AP3B1: variants seen among roughly 807,000 people sequenced by gnomAD.
AP3B1 encodes the protein adaptor related protein complex 3 subunit beta 1, also known as AP-3 complex subunit beta-1.
A neutral mutation model predicts 132.5 loss-of-function variants in AP3B1; 61 were observed. That is an observed-to-expected ratio of 0.46 (90% CI 0.37 to 0.57). The LOEUF (loss-of-function observed/expected upper bound fraction) is 0.57. Among genes scored for constraint, AP3B1 ranks in the 20% least tolerant of loss-of-function variants. The pLI, the probability that AP3B1 is intolerant of heterozygous loss-of-function variation, is 0.00. For synonymous variants in AP3B1, 388 were observed against 438.3 expected, an observed-to-expected ratio of 0.89 and a Z score of 1.43; for missense variants, 1,120 against 1,289.4, an observed-to-expected ratio of 0.87 and a Z score of 2.01.
chr5:78,286,389 T>C (rs56156114), intron 1 of AP3B1, among the ~76,000 whole-genome samples: 32,813 of 152,096 alleles, frequency 0.22, 3,724 homozygotes, highest in Admixed American at 0.28. Flanking sequence ...TGAATGAGAT[T>C]AAGGCCCTTG....
chr5:78,166,561 G>GA (rs1005340150), intron 11 of AP3B1, among the ~76,000 whole-genome samples: 1 of 151,478 alleles, frequency 6.6e-6, no homozygotes, highest in African/African-American at 2.4e-5. Flanking sequence ...ATGGGCTTGT[G>GA]AAAAAAAATT....
intron 3 of AP3B1, among the ~76,000 whole-genome samples, chr5:78,235,547 T>C (rs1238791081): frequency 6.6e-6 from 1 of 152,212 alleles, no homozygotes; most frequent in Admixed American, 6.5e-5. Flanking sequence ...TCAATCAATA[T>C]TGACCACAAG....
At position 78,291,420 on chromosome 5, in the gene AP3B1, GAAA is replaced by G. The variant is rs5868911; in HGVS notation, c.128+3029_128+3031del. 3.5e-3 allele frequency among the ~76,000 whole-genome samples: 304 copies of G among 85,706 alleles called. 4 individuals carry two copies. The highest frequency in any genetic ancestry group is 0.01 in the African/African-American group (229 of 21,978). The allele number at this position is 85,706 out of a possible 152,430, so 56.2% of individuals were successfully genotyped here. ...CTCAGTGTCTCCCCACAGATAATTT[GAAA>G]AAAAAAAAAAAAAAAACAGAAATGA... On this transcript the variant is annotated intron_variant, in intron 1 of 26. Coordinates refer to ENST00000255194, the MANE Select transcript of AP3B1 (RefSeq NM_003664.5).
intron 3 of AP3B1, among the ~76,000 whole-genome samples, chr5:78,239,348 G>A (rs1747014964): frequency 1.3e-5 from 2 of 151,454 alleles, no homozygotes; most frequent in South Asian, 4.2e-4. Flanking sequence ...GCATGCACCT[G>A]TAGTCCCAGC....
At chr5:78,190,215 T>G (rs955657857) in intron 7 of AP3B1, among the ~76,000 whole-genome samples, 1 of 152,172 alleles carries the variant, frequency 6.6e-6, no homozygotes, top group Non-Finnish European at 1.5e-5. Context: ...TTTAAAAACA[T>G]TCCCCTCAGA....
intron 25 of AP3B1, among the ~76,000 whole-genome samples, chr5:78,019,743 T>TAG (rs1183104146): frequency 6.6e-6 from 1 of 152,072 alleles, no homozygotes; most frequent in Non-Finnish European, 1.5e-5. Context: ...TGCAAAGGCT[T>TAG]AGAGTAAAAA....
intron 17 of AP3B1, among the ~76,000 whole-genome samples, chr5:78,123,429 A>C (rs1479870058): frequency 6.6e-6 from 1 of 152,160 alleles, no homozygotes; most frequent in African/African-American, 2.4e-5. Context: ...AATGGGAGAA[A>C]ATTTTTGCAA....
intron 22 of AP3B1, chr5:78,041,938 T>C: frequency 4.9e-6 from 1 of 202,660 alleles, no homozygotes; most frequent in Non-Finnish European, 1.0e-5. Flanking sequence ...GCTTTTCCCA[T>C]CAAACTCCTT....
chr5:78,221,886 T>C (rs1480900033), intron 6 of AP3B1, among the ~76,000 whole-genome samples: 1 of 152,172 alleles, frequency 6.6e-6, no homozygotes, highest in African/African-American at 2.4e-5. Context: ...CTGAAGTACC[T>C]TGCAAAAGTA....
chr5:78,048,232 G>C (rs968174725), intron 22 of AP3B1, among the ~76,000 whole-genome samples: 3 of 152,228 alleles, frequency 2.0e-5, no homozygotes, highest in African/African-American at 7.2e-5. Flanking sequence ...CGACAACAAA[G>C]TGTTGAGTAA....
intron 6 of AP3B1, 34 bp from the exon 7 acceptor site, chr5:78,216,271 A>C: frequency 6.3e-7 from 1 of 1,595,234 alleles, no homozygotes; most frequent in Non-Finnish European, 8.6e-7. Flanking sequence ...TTATTAAAAA[A>C]TGTTTCTCCC....
intron 24 of AP3B1, among the ~76,000 whole-genome samples, chr5:78,030,828 C>G (rs1308063289): frequency 6.6e-6 from 1 of 152,060 alleles, no homozygotes; most frequent in Non-Finnish European, 1.5e-5. Context: ...AAGTGTGTGC[C>G]ACCATACCTG....
intron 21 of AP3B1, among the ~76,000 whole-genome samples, chr5:78,090,269 G>T (rs1223929784): frequency 1.3e-5 from 2 of 152,210 alleles, no homozygotes; most frequent in Non-Finnish European, 2.9e-5. Context: ...CTCTTGATAT[G>T]TGGCTAGTAT....
At chr5:78,030,020 A>C (rs1747506800) in intron 24 of AP3B1, among the ~76,000 whole-genome samples, 2 of 152,056 alleles carry the variant, frequency 1.3e-5, no homozygotes, top group Admixed American at 6.6e-5. Context: ...GTTCCAATTT[A>C]TTGTTAATAT....
chr5:78,223,289 A>G (rs2112488050), intron 6 of AP3B1, among the ~76,000 whole-genome samples: 2 of 152,160 alleles, frequency 1.3e-5, no homozygotes, highest in Admixed American at 1.3e-4. Context: ...ATAGACAGAA[A>G]AAGAAATATG....
intron 24 of AP3B1, among the ~76,000 whole-genome samples, chr5:78,032,573 G>A (rs1401775330): frequency 5.9e-5 from 9 of 151,950 alleles, no homozygotes; most frequent in East Asian, 3.9e-4. Context: ...AAACACTGTC[G>A]ATCGGTTTCC....
At chr5:78,117,596 C>G (rs1280702894) in intron 17 of AP3B1, among the ~76,000 whole-genome samples, 1 of 152,144 alleles carries the variant, frequency 6.6e-6, no homozygotes, top group African/African-American at 2.4e-5. Flanking sequence ...AGGTGTGAGC[C>G]ACCACGTCCA....
intron 22 of AP3B1, among the ~76,000 whole-genome samples, chr5:78,063,004 A>G (rs1419955986): frequency 6.6e-6 from 1 of 152,198 alleles, no homozygotes; most frequent in Non-Finnish European, 1.5e-5. Context: ...TGAGCTAATT[A>G]TGAATGAAAA....
Position 78,172,935 on chromosome 5 carries a change from TG to T in AP3B1, c.1167+2690del, listed in dbSNP as rs1487584273. On this transcript the variant is annotated intron_variant, in intron 11 of 26. Coordinates refer to ENST00000255194, the MANE Select transcript of AP3B1 (RefSeq NM_003664.5). The stretch of plus-strand genomic sequence containing the variant: ...TTCCCTCTACACACTGCTTTAAATG[TG>T]TCCCAGAGATTCTGGTATGTTGTGT... Among the ~76,000 whole-genome samples the T allele has an allele frequency of 1.3e-4, 20 of 152,336 alleles. No individual in the cohort carries two copies. In the South Asian group the frequency reaches 3.7e-3, roughly 28 times the overall value.
Sources: allele counts gnomAD v4.1 joint callset (sites outside exome capture counted in the v4.1 genomes callset), GRCh38; gene constraint gnomAD v4.1.1; transcripts MANE v1.5; gene names NCBI Gene and HGNC (gene_info 2026-07-23, HGNC 2026-07-21).